Variants in CYP3A4 observed in about 807,000 individuals in gnomAD.
CYP3A4 encodes the protein cytochrome P450 family 3 subfamily A member 4.
A neutral mutation model predicts 54.9 loss-of-function variants in CYP3A4; 41 were observed. The ratio of observed to expected loss-of-function variants is 0.75; its 90% CI spans 0.58 to 0.97. CYP3A4 has a LOEUF of 0.97. Ranked by LOEUF, CYP3A4 falls within the 50% of genes least tolerant of loss-of-function variation. CYP3A4 has a pLI of 0.00. For missense variants in CYP3A4, 510 were observed against 597.3 expected (o/e 0.85, Z 1.52); for synonymous variants, 179 against 205.2 (o/e 0.87, Z 1.09).
At chr7:99,781,410 A>T (rs1431358674) in intron 1 of CYP3A4, among the ~76,000 whole-genome samples, 2 of 152,226 alleles carry the variant, frequency 1.3e-5, no homozygotes, top group African/African-American at 4.8e-5. Flanking sequence ...CAAAGCAGTC[A>T]GTTTATTGCA....
chr7:99,764,987 G>A (rs1323609013), intron 9 of CYP3A4, among the ~76,000 whole-genome samples: 2 of 152,178 alleles, frequency 1.3e-5, no homozygotes, highest in African/African-American at 4.8e-5. Flanking sequence ...TATAATGCCT[G>A]CTCCAACCAT....
chr7:99,772,710 T>G (rs1815666036), intron 3 of CYP3A4, 21 bp from the exon 4 acceptor site: 1 of 1,612,062 alleles, frequency 6.2e-7, no homozygotes, highest in East Asian at 2.2e-5. Flanking sequence ...AAAACAGAGT[T>G]GATTAAACAT....
At chr7:99,774,828 G>T (rs1815719453) in intron 3 of CYP3A4, among the ~76,000 whole-genome samples, 1 of 152,176 alleles carries the variant, frequency 6.6e-6, no homozygotes, top group African/African-American at 2.4e-5. Flanking sequence ...CATAGTGTCG[G>T]AAGTTCTGAA....
chr7:99,779,508 C>T (rs1212764044), intron 2 of CYP3A4, among the ~76,000 whole-genome samples: 1 of 152,068 alleles, frequency 6.6e-6, no homozygotes. Flanking sequence ...AAGGTAAATA[C>T]CTGGGCTCCC....
rs779800036 is a variant in CYP3A4, at chr7:99,769,836, C to T, written c.453G>A (p.Gln151=). 3.1e-6 allele frequency: 5 copies of T among 1,614,026 alleles called. No homozygotes were observed. Among genetic ancestry groups the T allele is most frequent in the South Asian group, 1.1e-5 (1 of 91,078 alleles). The part of the protein sequence containing the change: ...KLKEMVPIIA[Q]YGDVLVRNLR... ...GATTTCTCACCAACACATCTCCATA[C>T]TGGGCAATGATAGGGACCATCTAAG... The change falls in exon 6 of 13, where the codon CAG becomes CAA. Residue 151 remains glutamine (Q), a synonymous_variant. Transcript: ENST00000651514.
chr7:99,768,471 T>C lies in CYP3A4; in HGVS notation c.553A>G (p.Thr185Ala), dbSNP rs571616925. 2.5e-6 allele frequency: 4 copies of C among 1,613,982 alleles called. No individual in the cohort carries two copies. The Admixed American group carries it at 5.0e-5, about 20-fold the overall frequency. ...ATGTTCACTCCAAATGATGTGCTAG[T>C]GATCACATCCATGCTGTAGGCCCCA... ...VFGAYSMDVI[T>A]STSFGVNIDS... The change falls in exon 7 of 13, where the codon ACT becomes GCT. Residue 185 changes from threonine (T) to alanine (A), a missense_variant. By Grantham distance (58) the Thr-to-Ala change is moderately conservative. Coordinates refer to ENST00000651514, the MANE Select transcript of CYP3A4 (RefSeq NM_017460.6).
rs770725289 is a variant in CYP3A4, at chr7:99,780,038, C to T, written c.119G>A (p.Gly40Glu). Reference protein sequence around the residue: ...HGLFKKLGIPGPTPLPFLGNI... With the variant: ...HGLFKKLGIPEPTPLPFLGNI... ...TCCCAAAAAAGGCAGAGGTGTGGGC[C>T]CTGGAATTCCAAGCTTCTTAAAAAG... Residue 40 changes from glycine (G) to glutamate (E), a missense_variant, in exon 2 of 13, where the codon GGG (glycine) becomes GAG (glutamate). Coordinates refer to ENST00000651514, the MANE Select transcript of CYP3A4 (RefSeq NM_017460.6). 6.2e-7 allele frequency: 1 copy of T among 1,613,440 alleles called. No homozygotes were observed. The highest frequency in any genetic ancestry group is 1.3e-5 in the African/African-American group (1 of 74,848).
At chr7:99,776,601 TCAA>T (rs1815777587) in intron 3 of CYP3A4, among the ~76,000 whole-genome samples, 1 of 151,748 alleles carries the variant, frequency 6.6e-6, no homozygotes, top group Admixed American at 6.6e-5. Context: ...ATCAGAAAAC[TCAA>T]CACCACATGT....
rs1405677521 is a variant in CYP3A4, at chr7:99,770,009, C to A, written c.432+113G>T. 2.6e-6 allele frequency: 4 copies of A among 1,526,304 alleles called. No homozygotes were observed. The African/African-American group carries it at 4.1e-5, about 16-fold the overall frequency. 94.5% of individuals were successfully genotyped at this position (1,526,304 alleles called of 1,614,324 possible). ...ATAAAGATAAAAGACCATTTTTAGG[C>A]AGCTCAAATTCAGTGGACTACCCCT... On this transcript the variant is annotated intron_variant, in intron 5 of 12. Coordinates refer to ENST00000651514, the MANE Select transcript of CYP3A4 (RefSeq NM_017460.6).
intron 1 of CYP3A4, among the ~76,000 whole-genome samples, chr7:99,780,955 T>C (rs971634417): frequency 2.0e-5 from 3 of 152,234 alleles, no homozygotes; most frequent in African/African-American, 7.2e-5. Flanking sequence ...GTGCCAGTGA[T>C]ATGGTCTGAA....
intron 9 of CYP3A4, among the ~76,000 whole-genome samples, chr7:99,765,140 A>C (rs943943415): frequency 6.6e-6 from 1 of 152,216 alleles, no homozygotes; most frequent in African/African-American, 2.4e-5. Context: ...ACCTGATGAT[A>C]CTGATGTGAA....
intron 12 of CYP3A4, 104 bp from the exon 13 acceptor site, chr7:99,758,332 C>T (rs1815234443): frequency 2.3e-6 from 3 of 1,323,332 alleles, no homozygotes. Flanking sequence ...GGGGACACAA[C>T]AGAGTGATAT....
At chr7:99,770,043 G>A (rs1343591839) in intron 5 of CYP3A4, 79 bp downstream of exon 5, 1 of 1,540,760 alleles carries the variant, frequency 6.5e-7, no homozygotes, top group African/African-American at 1.4e-5. Context: ...CTTGGAAAGG[G>A]ACTGTGATCT....
chr7:99,761,208 GATAA>G (rs1815317405), intron 11 of CYP3A4, among the ~76,000 whole-genome samples: 1 of 152,276 alleles, frequency 6.6e-6, no homozygotes, highest in Admixed American at 6.5e-5. Context: ...GTTGAGATGA[GATAA>G]ATAGTGTTGC....
chr7:99,761,082 TACAC>T (rs1815312846), intron 11 of CYP3A4, 101 bp from the exon 12 acceptor site: 1 of 1,305,568 alleles, frequency 7.7e-7, no homozygotes, highest in East Asian at 2.3e-5. Flanking sequence ...CAACTAGTAG[TACAC>T]AGGATACTTT....
chr7:99,762,786 A>G (rs530165562), intron 10 of CYP3A4, among the ~76,000 whole-genome samples: 2 of 152,318 alleles, frequency 1.3e-5, no homozygotes, highest in African/African-American at 2.4e-5. Context: ...TAAAGAGGAT[A>G]GAACCCCACA....
chr7:99,774,043 C>G (rs763389691), intron 3 of CYP3A4, among the ~76,000 whole-genome samples: 11 of 152,014 alleles, frequency 7.2e-5, no homozygotes, highest in Non-Finnish European at 1.5e-4. Flanking sequence ...TGCAAATTAC[C>G]ATCAGAGAAT....
rs28371761 is a variant in CYP3A4 at position 99,758,220 on chromosome 7, C to T, written c.1425G>A (p.Leu475=). Reference sequence around the variant, plus strand: ...GAAGAAGTCCTCCTAAGCTTAATTTCAGGGGGATCTGCAACAGTTAAACAA... The same window carrying T: ...GAAGAAGTCCTCCTAAGCTTAATTTTAGGGGGATCTGCAACAGTTAAACAA... ...FKPCKETQIP[L]KLSLGGLLQP... Residue 475 remains leucine (L), a synonymous_variant, in exon 13 of 13, where the codon CTG becomes CTA. Transcript: ENST00000651514. 6.2e-7 allele frequency: 1 copy of T among 1,613,758 alleles called. No homozygotes were observed. Among genetic ancestry groups the T allele is most frequent in the Non-Finnish European group, 8.5e-7 (1 of 1,179,776 alleles).
chr7:99,759,095 G>A (rs1335797145), intron 12 of CYP3A4, among the ~76,000 whole-genome samples: 1 of 152,174 alleles, frequency 6.6e-6, no homozygotes, highest in Non-Finnish European at 1.5e-5. Context: ...TCAGGGCTGA[G>A]TCCCCTGTCT....
Sources: gnomAD v4.1 joint callset for allele counts (sites outside exome capture counted in the v4.1 genomes callset) on GRCh38, gnomAD v4.1.1 for gene constraint, MANE v1.5 for transcripts, NCBI Gene and HGNC (gene_info 2026-07-23, HGNC 2026-07-21) for gene names.